Variants in TM9SF2 observed in about 807,000 individuals in gnomAD.
TM9SF2 encodes 76 kDa membrane protein.
A neutral mutation model predicts 84.9 loss-of-function variants in TM9SF2; 13 were observed. The ratio of observed to expected loss-of-function variants is 0.15; its 90% CI spans 0.10 to 0.24. TM9SF2 has a LOEUF of 0.24. TM9SF2 is among the 10% of genes least tolerant of loss of function. TM9SF2 has a pLI of 1.00. For synonymous variants in TM9SF2, 273 were observed against 285.8 expected, an observed-to-expected ratio of 0.96 and a Z score of 0.45; for missense variants, 562 against 818.5, an observed-to-expected ratio of 0.69 and a Z score of 3.82.
intron 12 of TM9SF2, among the ~76,000 whole-genome samples, chr13:99,551,370 A>T (rs189593710): frequency 6.6e-6 from 1 of 152,226 alleles, no homozygotes; most frequent in Non-Finnish European, 1.5e-5. Context: ...GAGCCAGAGG[A>T]ACTGTTAGAT....
At chr13:99,549,985 A>G (rs997122825) in intron 12 of TM9SF2, among the ~76,000 whole-genome samples, 5 of 152,180 alleles carry the variant, frequency 3.3e-5, no homozygotes, top group Admixed American at 1.3e-4. Flanking sequence ...TATCGGTTCT[A>G]TTCAAATTTC....
intron 9 of TM9SF2, among the ~76,000 whole-genome samples, chr13:99,542,838 ACT>A (rs762151522): frequency 3.3e-5 from 5 of 151,974 alleles, no homozygotes; most frequent in African/African-American, 9.7e-5. Context: ...GCCAGTGGTG[ACT>A]CTGCTTCCAC....
intron 3 of TM9SF2, among the ~76,000 whole-genome samples, chr13:99,520,801 C>G (rs2139080070): frequency 6.6e-6 from 1 of 152,302 alleles, no homozygotes; most frequent in South Asian, 2.1e-4. Flanking sequence ...AACTCCTGAA[C>G]TCAAGTGATT....
intron 1 of TM9SF2, among the ~76,000 whole-genome samples, chr13:99,510,823 C>G (rs17576154): frequency 0.012 from 1,785 of 152,264 alleles, 32 homozygotes; most frequent in Non-Finnish European, 0.014. Context: ...ATTATAAATT[C>G]TTTGAAGGCA....
chr13:99,559,881 A>G (rs2046337429), intron 16 of TM9SF2, among the ~76,000 whole-genome samples: 1 of 150,602 alleles, frequency 6.6e-6, no homozygotes, highest in Non-Finnish European at 1.5e-5. Flanking sequence ...ATAGTGACTT[A>G]AGTTTAGGAG....
chr13:99,542,926 T>G (rs1594057587), intron 9 of TM9SF2, among the ~76,000 whole-genome samples: 1 of 152,210 alleles, frequency 6.6e-6, no homozygotes, highest in Non-Finnish European at 1.5e-5. Context: ...ATCATTTCAC[T>G]CTTGAGCACG....
intron 4 of TM9SF2, among the ~76,000 whole-genome samples, chr13:99,532,403 T>G (rs1170501495): frequency 6.6e-6 from 1 of 152,030 alleles, no homozygotes; most frequent in Non-Finnish European, 1.5e-5. Flanking sequence ...GAATACTGTT[T>G]AGTCAGCCCG....
chr13:99,539,254 A>G (rs2046247901), intron 6 of TM9SF2, among the ~76,000 whole-genome samples, 192 bp from the exon 7 acceptor site: 1 of 152,294 alleles, frequency 6.6e-6, no homozygotes, highest in Non-Finnish European at 1.5e-5. Context: ...ATGCTCTTCA[A>G]GTATAGTGTT....
intron 4 of TM9SF2, among the ~76,000 whole-genome samples, chr13:99,535,576 A>G (rs1005707716): frequency 1.3e-5 from 2 of 152,216 alleles, no homozygotes; most frequent in African/African-American, 2.4e-5. Context: ...GTTTAATAGT[A>G]TAGGTGATTC....
At chr13:99,520,235 TTC>T in intron 3 of TM9SF2, 106 bp downstream of exon 3, 1 of 907,038 alleles carries the variant, frequency 1.1e-6, no homozygotes, top group Non-Finnish European at 1.7e-6. Context: ...AGGAGTTCAT[TTC>T]TCTTTTTCAT....
At chr13:99,551,406 C>T (rs573603740) in intron 12 of TM9SF2, among the ~76,000 whole-genome samples, 2 of 152,292 alleles carry the variant, frequency 1.3e-5, no homozygotes, top group African/African-American at 4.8e-5. Flanking sequence ...AGCTGATTCT[C>T]TTCATGAAGG....
In TM9SF2 at chr13:99,501,734, C is replaced by G; in HGVS notation, c.128C>G (p.Pro43Arg). Residue 43 changes from proline to arginine, a missense_variant, in exon 1 of 17, where the codon CCC (proline) becomes CGC (arginine). By Grantham distance (103) the Pro-to-Arg change is moderately radical. Coordinates refer to ENST00000376387, the MANE Select transcript of TM9SF2 (RefSeq NM_004800.3). Reference sequence around the variant, plus strand: ...GCTTTCTACCTGCCCGGCCTGGCGCCCGTCAACTTCTGCGACGAAGAAAAA... The same window carrying G: ...GCTTTCTACCTGCCCGGCCTGGCGCGCGTCAACTTCTGCGACGAAGAAAAA... The part of the protein sequence containing the change: ...SGAFYLPGLA[P>R]VNFCDEEKKS... The G allele has an allele frequency of 6.2e-7, 1 of 1,612,290 alleles. No homozygotes were observed.
At chr13:99,556,177 A>ATATT (rs3031655) in intron 15 of TM9SF2, among the ~76,000 whole-genome samples, 116,824 of 151,638 alleles carry the variant, frequency 0.77, 45,184 homozygotes, top group Middle Eastern at 0.84. Context: ...CTACTATTTA[A>ATATT]TATTGTCTAT....
intron 4 of TM9SF2, among the ~76,000 whole-genome samples, chr13:99,529,856 T>A (rs2046200652): frequency 6.6e-6 from 1 of 152,210 alleles, no homozygotes; most frequent in Non-Finnish European, 1.5e-5. Context: ...ATAGAGTAGT[T>A]ATTTTTATTC....
intron 3 of TM9SF2, among the ~76,000 whole-genome samples, chr13:99,520,575 C>CT (rs1052597251): frequency 2.0e-4 from 30 of 149,962 alleles, no homozygotes; most frequent in East Asian, 3.9e-4. Flanking sequence ...GCTAATCTTT[C>CT]TTTTTTTTTT....
At chr13:99,538,283 C>G (rs59249974) in intron 6 of TM9SF2, among the ~76,000 whole-genome samples, 3,766 of 152,144 alleles carry the variant, frequency 0.025, 163 homozygotes, top group African/African-American at 0.086. Context: ...TTAGATGCCA[C>G]TATGAAATAC....
At chr13:99,512,612 C>T (rs567405521) in intron 1 of TM9SF2, among the ~76,000 whole-genome samples, 1 of 152,300 alleles carries the variant, frequency 6.6e-6, no homozygotes, top group South Asian at 2.1e-4. Context: ...GTTTAAATGA[C>T]ACCAAGTTTT....
At chr13:99,540,021 T>C (rs937777220) in intron 7 of TM9SF2, among the ~76,000 whole-genome samples, 6 of 152,208 alleles carry the variant, frequency 3.9e-5, no homozygotes, top group South Asian at 4.1e-4. Context: ...ATCTTAGTAT[T>C]CTACCTTTAT....
At chr13:99,541,873 G>A in intron 9 of TM9SF2, 1 of 368,542 alleles carries the variant, frequency 2.7e-6, no homozygotes, top group East Asian at 6.8e-5. Context: ...TTCTTGGCTG[G>A]GCGCGGTGGC....
Sources: allele counts gnomAD v4.1 joint callset (sites outside exome capture counted in the v4.1 genomes callset), GRCh38; gene constraint gnomAD v4.1.1; transcripts MANE v1.5; gene names NCBI Gene and HGNC (gene_info 2026-07-23, HGNC 2026-07-21).